Variants in FBXL20 observed in about 807,000 individuals in gnomAD.
The protein encoded by FBXL20 is F-box/LRR-repeat protein 20.
A neutral mutation model predicts 64.0 loss-of-function variants in FBXL20; 11 were observed. The observed-to-expected ratio is 0.17, with a 90% CI of 0.11 to 0.28. The LOEUF is 0.28. Ranked by LOEUF, FBXL20 falls within the 10% of genes least tolerant of loss-of-function variation. The pLI, the probability that FBXL20 is intolerant of heterozygous loss-of-function variation, is 1.00. For missense variants in FBXL20, 303 were observed against 526.2 expected, an observed-to-expected ratio of 0.58 and a Z score of 4.15; for synonymous variants, 184 against 189.0, an observed-to-expected ratio of 0.97 and a Z score of 0.22.
intron 1 of FBXL20, among the ~76,000 whole-genome samples, chr17:39,362,580 C>T (rs1368754686): frequency 6.6e-6 from 1 of 152,004 alleles, no homozygotes. Flanking sequence ...GCCTCGGCCT[C>T]CCAAAGTGCT....
intron 2 of FBXL20, among the ~76,000 whole-genome samples, chr17:39,333,634 C>A (rs2047487354): frequency 6.6e-6 from 1 of 151,946 alleles, no homozygotes; most frequent in Non-Finnish European, 1.5e-5. Context: ...AGACCCTCTG[C>A]CCGGCTGCCC....
At chr17:39,268,439 G>A (rs755362313) in intron 12 of FBXL20, among the ~76,000 whole-genome samples, 4 of 152,164 alleles carry the variant, frequency 2.6e-5, no homozygotes, top group Non-Finnish European at 5.9e-5. Context: ...TGCAGAGTCA[G>A]GTCTCCAGGG....
intron 10 of FBXL20, 111 bp downstream of exon 10, chr17:39,274,859 T>C: frequency 7.1e-7 from 1 of 1,413,292 alleles, no homozygotes; most frequent in Non-Finnish European, 9.6e-7. Flanking sequence ...TACCTTAAAA[T>C]TTCAAAGCGT....
chr17:39,286,650 T>C (rs551945726), intron 6 of FBXL20, among the ~76,000 whole-genome samples: 16 of 152,076 alleles, frequency 1.1e-4, no homozygotes, highest in African/African-American at 3.9e-4. Context: ...AATACAAAAT[T>C]AGCTGAGCGT....
At chr17:39,349,609 T>C (rs148072643) in intron 1 of FBXL20, among the ~76,000 whole-genome samples, 2,124 of 151,450 alleles carry the variant, frequency 0.014, 23 homozygotes, top group Non-Finnish European at 0.019. Context: ...ATAAGAAAAT[T>C]CCACACCTGA....
intron 2 of FBXL20, among the ~76,000 whole-genome samples, chr17:39,315,634 C>A (rs2047280159): frequency 6.6e-6 from 1 of 151,658 alleles, no homozygotes; most frequent in Admixed American, 6.6e-5. Flanking sequence ...GGGATACAAG[C>A]AGGGTGAATG....
intron 1 of FBXL20, 56 bp downstream of exon 1, chr17:39,401,305 G>C: frequency 6.2e-7 from 1 of 1,611,582 alleles, no homozygotes; most frequent in Non-Finnish European, 8.5e-7. Flanking sequence ...GGACGTTTTG[G>C]GATTAGAGCG....
intron 10 of FBXL20, among the ~76,000 whole-genome samples, chr17:39,272,742 GAA>G (rs2046857639): frequency 1.4e-5 from 2 of 142,002 alleles, no homozygotes; most frequent in African/African-American, 5.2e-5. Flanking sequence ...AAGAAAGAAA[GAA>G]AAAGAAAGAA....
At chr17:39,337,252 T>G (rs1057022672) in intron 2 of FBXL20, among the ~76,000 whole-genome samples, 1 of 152,204 alleles carries the variant, frequency 6.6e-6, no homozygotes, top group East Asian at 1.9e-4. Context: ...CCTCCCAAGG[T>G]GCCGGGATTG....
At chr17:39,327,753 T>C (rs933892157) in intron 2 of FBXL20, among the ~76,000 whole-genome samples, 9 of 152,156 alleles carry the variant, frequency 5.9e-5, no homozygotes, top group African/African-American at 2.2e-4. Context: ...CAGGCTGTAG[T>C]GCAGTGGCAC....
Position 39,264,235 on chromosome 17 carries a change from A to C in FBXL20, c.1143T>G (p.Leu381=). The part of the protein sequence containing the change: ...SLEHLKSCHS[L]ERIELYDCQQ... ...GGCAGTCATAGAGTTCTATCCGCTC[A>C]AGGCTATGACAGCTCTTCAAGTGCT... The change falls in exon 14 of 15, where the codon CTT becomes CTG. Residue 381 remains leucine (L), a synonymous_variant. Coordinates refer to ENST00000264658, the MANE Select transcript of FBXL20 (RefSeq NM_032875.3). The C allele has an allele frequency of 6.2e-7, 1 of 1,614,234 alleles. No homozygotes were observed. The highest frequency in any genetic ancestry group is 1.3e-5 in the African/African-American group (1 of 75,072).
intron 14 of FBXL20, among the ~76,000 whole-genome samples, chr17:39,263,160 C>T (rs574839449): frequency 7.2e-5 from 11 of 151,900 alleles, no homozygotes; most frequent in African/African-American, 2.2e-4. Flanking sequence ...GTGGGAGGAT[C>T]GCTTGAGGCC....
At chr17:39,368,667 T>C (rs2047885429) in intron 1 of FBXL20, among the ~76,000 whole-genome samples, 1 of 152,126 alleles carries the variant, frequency 6.6e-6, no homozygotes, top group African/African-American at 2.4e-5. Flanking sequence ...TTGTTTTTTG[T>C]TTTATTGAGA....
chr17:39,309,380 G>A (rs1222567084), intron 2 of FBXL20, among the ~76,000 whole-genome samples: 3 of 152,074 alleles, frequency 2.0e-5, no homozygotes, highest in Non-Finnish European at 4.4e-5. Flanking sequence ...TTGTTTTCAT[G>A]GATCCCATCA....
At chr17:39,298,932 T>G in intron 5 of FBXL20, 58 bp downstream of exon 5, 19 of 1,370,292 alleles carry the variant, frequency 1.4e-5, no homozygotes, top group Non-Finnish European at 1.6e-5. Flanking sequence ...CTTTTCTGGG[T>G]GAGATGGTGC....
chr17:39,258,103 TTCTC>T lies in FBXL20; in HGVS notation c.*3353_*3356del, dbSNP rs1029711950. 6.6e-6 allele frequency: 1 copy of T among 152,208 alleles called. No homozygotes were observed. Among genetic ancestry groups the T allele is most frequent in the Admixed American group, 6.5e-5 (1 of 15,272 alleles). 9.4% of individuals were successfully genotyped at this position (152,208 alleles called of 1,614,324 possible). On this transcript the variant is annotated 3_prime_UTR_variant, in exon 15 of 15. Coordinates refer to ENST00000264658, the MANE Select transcript of FBXL20 (RefSeq NM_032875.3). ...ACCTTCTAACTTATCCCCAAATCTC[TTCTC>T]TCTGTTCACTGTTTTTTTCCATTAT... is the stretch of plus-strand genomic sequence containing the variant.
intron 9 of FBXL20, among the ~76,000 whole-genome samples, chr17:39,275,361 T>A (rs964648750): frequency 6.6e-6 from 1 of 152,116 alleles, no homozygotes; most frequent in Admixed American, 6.6e-5. Context: ...AGAACTGGGA[T>A]CAGTATGGGG....
intron 2 of FBXL20, among the ~76,000 whole-genome samples, chr17:39,319,582 G>A (rs543185087): frequency 6.0e-5 from 9 of 151,188 alleles, no homozygotes; most frequent in African/African-American, 2.2e-4. Flanking sequence ...CTAGTCAGGA[G>A]GCTGAGGCAG....
At chr17:39,361,100 G>A (rs2047789357) in intron 1 of FBXL20, among the ~76,000 whole-genome samples, 1 of 152,066 alleles carries the variant, frequency 6.6e-6, no homozygotes, top group Non-Finnish European at 1.5e-5. Flanking sequence ...ATAAATTTCT[G>A]TATTAAGCAA....
Sources: allele counts gnomAD v4.1 joint callset (sites outside exome capture counted in the v4.1 genomes callset), GRCh38; gene constraint gnomAD v4.1.1; transcripts MANE v1.5; gene names NCBI Gene and HGNC (gene_info 2026-07-23, HGNC 2026-07-21).